Variants in PIK3C2G observed in about 807,000 individuals in gnomAD.
PIK3C2G encodes phosphatidylinositol-4-phosphate 3-kinase catalytic subunit type 2 gamma, also known as phosphatidylinositol 3-kinase C2 domain-containing subunit gamma.
Under a neutral mutation model 181.1 loss-of-function variants are expected in PIK3C2G, and 168 were observed. The observed-to-expected ratio is 0.93, with a 90% confidence interval of 0.82 to 1.05. PIK3C2G has a LOEUF of 1.05. PIK3C2G is among the 50% of genes least tolerant of loss of function. The pLI is 0.00. For missense variants in PIK3C2G, 1,869 were observed against 1,732.8 expected (o/e 1.08, Z -1.40); for synonymous variants, 573 against 592.2 (o/e 0.97, Z 0.47).
the PIK3C2G span, chr12:18,685,683 G>A: frequency 1.9e-6 from 1 of 513,226 alleles, no homozygotes; most frequent in Non-Finnish European, 3.9e-6. Flanking sequence ...AATTTCATGG[G>A]GTACAGAGGC....
the PIK3C2G span, among the ~76,000 whole-genome samples, chr12:18,699,208 G>T: frequency 6.6e-6 from 1 of 152,072 alleles, no homozygotes; most frequent in African/African-American, 2.4e-5. Context: ...CAGCCTGGGC[G>T]CCATTTCTTC....
At chr12:18,502,815 A>G (rs1008422699) in intron 22 of PIK3C2G, among the ~76,000 whole-genome samples, 18 of 152,220 alleles carry the variant, frequency 1.2e-4, no homozygotes, top group African/African-American at 4.1e-4. Context: ...CAAATGTAAC[A>G]TTTAACTGTG....
chr12:18,503,842 A>C (rs1941659987), intron 23 of PIK3C2G, among the ~76,000 whole-genome samples: 1 of 152,212 alleles, frequency 6.6e-6, no homozygotes, highest in Non-Finnish European at 1.5e-5. Context: ...TATGTATGTC[A>C]TAATTTTACC....
intron 14 of PIK3C2G, among the ~76,000 whole-genome samples, 154 bp downstream of exon 14, chr12:18,382,034 T>C (rs550134816): frequency 1.1e-4 from 17 of 152,206 alleles, no homozygotes; most frequent in African/African-American, 4.1e-4. Flanking sequence ...CTCTACTGCT[T>C]TTATGTACAG....
At chr12:18,594,465 GA>G in intron 29 of PIK3C2G, 28 bp from the exon 30 acceptor site, 1 of 1,384,248 alleles carries the variant, frequency 7.2e-7, no homozygotes, top group Non-Finnish European at 9.9e-7. Context: ...AAGAAATAAA[GA>G]AATATTATGT....
chr12:18,503,490 A>C (rs1387161063), intron 23 of PIK3C2G, 73 bp downstream of exon 23: 3 of 1,113,290 alleles, frequency 2.7e-6, no homozygotes, highest in Non-Finnish European at 3.7e-6. Context: ...AGATATTCTG[A>C]TTTGTAGAAA....
the PIK3C2G span, among the ~76,000 whole-genome samples, chr12:18,709,531 CTT>C: frequency 1.3e-5 from 2 of 150,372 alleles, no homozygotes; most frequent in Admixed American, 6.7e-5. Context: ...AATTTTAGGA[CTT>C]TTTTTTTATT....
At chr12:18,675,552 A>G in the PIK3C2G span, among the ~76,000 whole-genome samples, 2 of 152,180 alleles carry the variant, frequency 1.3e-5, no homozygotes, top group Admixed American at 1.3e-4. Flanking sequence ...TGATTATATC[A>G]AAAACATACC....
chr12:18,650,734 A>G (rs574813137), downstream of PIK3C2G, among the ~76,000 whole-genome samples: 23 of 28,114 alleles, frequency 8.2e-4, no homozygotes, highest in African/African-American at 4.6e-3. Flanking sequence ...ATATATATAT[A>G]TATATATATA....
intron 11 of PIK3C2G, among the ~76,000 whole-genome samples, chr12:18,359,302 G>A (rs1189820188): frequency 6.6e-6 from 1 of 152,120 alleles, no homozygotes; most frequent in Non-Finnish European, 1.5e-5. Flanking sequence ...AAAGCTACTT[G>A]ATATTATTTG....
chr12:18,556,026 C>T (rs1944992501), intron 26 of PIK3C2G, among the ~76,000 whole-genome samples: 2 of 152,102 alleles, frequency 1.3e-5, no homozygotes, highest in Non-Finnish European at 2.9e-5. Context: ...TATACTTCCT[C>T]AGGGCAGAAA....
At chr12:18,302,637 G>A (rs906554381) in intron 5 of PIK3C2G, among the ~76,000 whole-genome samples, 2 of 152,134 alleles carry the variant, frequency 1.3e-5, no homozygotes, top group Non-Finnish European at 2.9e-5. Flanking sequence ...GCATGCTTGG[G>A]TCCTGGTGGG....
Position 18,545,165 on chromosome 12 carries a change from C to T in PIK3C2G, c.3481-1158C>T, listed in dbSNP as rs539184242. ...TTCATCCCCATCTCTTGCTGCTCAC[C>T]CATGTAATACTCGGTTCCAGAAAGC... On this transcript the variant is annotated intron_variant, in intron 25 of 32. Transcript: ENST00000538779. Among the ~76,000 whole-genome samples, 3 of 151,878 alleles carry T rather than the reference C, an allele frequency of 2.0e-5. No individual in the cohort carries two copies. The East Asian group carries it at 5.8e-4, about 30-fold the overall frequency.
intron 1 of PIK3C2G, among the ~76,000 whole-genome samples, chr12:18,248,764 TTC>T: frequency 6.6e-6 from 1 of 152,296 alleles, no homozygotes; most frequent in South Asian, 2.1e-4. Context: ...GCGATTTATT[TTC>T]TCTCTGAGTG....
At chr12:18,617,849 A>C (rs1948675236) in intron 31 of PIK3C2G, among the ~76,000 whole-genome samples, 1 of 152,162 alleles carries the variant, frequency 6.6e-6, no homozygotes, top group Admixed American at 6.5e-5. Flanking sequence ...AAAAGATATT[A>C]GGTGTAATGT....
chr12:18,377,580 C>A (rs150774319), intron 13 of PIK3C2G, among the ~76,000 whole-genome samples: 1 of 152,192 alleles, frequency 6.6e-6, no homozygotes, highest in East Asian at 1.9e-4. Context: ...CTCTGAAGAC[C>A]ATTGATTTTG....
At chr12:18,538,057 A>G (rs773196476) in intron 24 of PIK3C2G, 99 bp from the exon 25 acceptor site, 28 of 1,207,082 alleles carry the variant, frequency 2.3e-5, no homozygotes, top group Non-Finnish European at 3.3e-5. Context: ...GAGAAAAAAA[A>G]AAGAAAATTC....
chr12:18,299,267 A>G (rs1950075188), intron 5 of PIK3C2G, among the ~76,000 whole-genome samples: 1 of 151,876 alleles, frequency 6.6e-6, no homozygotes, highest in East Asian at 1.9e-4. Context: ...CCTTTGGTTA[A>G]GTTTACTCCT....
At chr12:18,517,747 G>C (rs984539024) in intron 24 of PIK3C2G, among the ~76,000 whole-genome samples, 2 of 151,988 alleles carry the variant, frequency 1.3e-5, no homozygotes, top group Non-Finnish European at 2.9e-5. Flanking sequence ...TGATTGCCCT[G>C]GCCAGAACTT....
Sources: gnomAD v4.1 joint callset for allele counts (sites outside exome capture counted in the v4.1 genomes callset) on GRCh38, gnomAD v4.1.1 for gene constraint, MANE v1.5 for transcripts, NCBI Gene and HGNC (gene_info 2026-07-23, HGNC 2026-07-21) for gene names.